LRP2: variants seen among roughly 807,000 people sequenced by gnomAD.
LRP2 encodes low-density lipoprotein receptor-related protein 2.
In LRP2, 172 loss-of-function variants were observed where a neutral mutation model predicts 531.0. That is an observed-to-expected ratio of 0.32 (90% CI 0.29 to 0.37). The LOEUF is 0.37. Among genes scored for constraint, LRP2 ranks in the 10% least tolerant of loss-of-function variants. LRP2 has a pLI of 1.00. For missense variants in LRP2, 5,167 were observed against 5,868.3 expected, an observed-to-expected ratio of 0.88 and a Z score of 3.90; for synonymous variants, 1,992 against 2,027.6, an observed-to-expected ratio of 0.98 and a Z score of 0.47.
intron 43 of LRP2, 109 bp from the exon 44 acceptor site, chr2:169,201,979 CA>C: frequency 7.1e-7 from 1 of 1,407,556 alleles, no homozygotes; most frequent in East Asian, 2.5e-5. Flanking sequence ...CCTTCCAAGG[CA>C]AAAAACGCTG....
chr2:169,345,168 C>T (rs1302892069), intron 1 of LRP2, among the ~76,000 whole-genome samples: 1 of 152,116 alleles, frequency 6.6e-6, no homozygotes, highest in Non-Finnish European at 1.5e-5. Context: ...AGGGGTAAAT[C>T]GTTAAATAAA....
At chr2:169,278,539 G>T (rs1041785236) in intron 12 of LRP2, among the ~76,000 whole-genome samples, 2 of 151,596 alleles carry the variant, frequency 1.3e-5, no homozygotes, top group African/African-American at 4.8e-5. Flanking sequence ...TCCTTTATTT[G>T]TCCTTTGCTT....
intron 34 of LRP2, among the ~76,000 whole-genome samples, chr2:169,217,422 T>C (rs1200649580): frequency 6.6e-6 from 1 of 152,110 alleles, no homozygotes; most frequent in East Asian, 1.9e-4. Context: ...GCTTTAACTT[T>C]TCCTATTAAA....
chr2:169,291,661 C>A (rs74775934), intron 7 of LRP2, among the ~76,000 whole-genome samples: 3 of 151,588 alleles, frequency 2.0e-5, no homozygotes, highest in African/African-American at 7.3e-5. Flanking sequence ...TTCCTTCTCA[C>A]GGAATCTTTA....
intron 55 of LRP2, 123 bp downstream of exon 55, chr2:169,175,070 A>T: frequency 1.2e-6 from 1 of 827,232 alleles, no homozygotes; most frequent in Non-Finnish European, 2.0e-6. Context: ...ATGGAGCCTG[A>T]GTTTCCTTCT....
chr2:169,161,389 A>C (rs137877091), intron 63 of LRP2, among the ~76,000 whole-genome samples: 55 of 152,318 alleles, frequency 3.6e-4, no homozygotes, highest in African/African-American at 1.2e-3. Context: ...TTCCATCAAA[A>C]TATTGAGCTA....
chr2:169,348,334 T>C (rs567042090), intron 1 of LRP2, among the ~76,000 whole-genome samples: 1 of 152,302 alleles, frequency 6.6e-6, no homozygotes, highest in African/African-American at 2.4e-5. Flanking sequence ...AGGGAGACTA[T>C]GCCCAGGAGA....
At chr2:169,128,920 C>A (rs533849020) in intron 78 of LRP2, 90 bp from the exon 79 acceptor site, 2 of 1,551,648 alleles carry the variant, frequency 1.3e-6, no homozygotes, top group Non-Finnish European at 1.8e-6. Context: ...TGTGGCCACT[C>A]TGCTCAGAAT....
chr2:169,324,670 C>G (rs1038438640), intron 1 of LRP2, among the ~76,000 whole-genome samples: 20 of 151,098 alleles, frequency 1.3e-4, no homozygotes, highest in African/African-American at 4.6e-4. Context: ...TCATAAGTAG[C>G]CATATCCCAA....
rs143730026 is a variant in LRP2, at chr2:169,182,867, A to T, written c.9846-548T>A. Among the ~76,000 whole-genome samples, 828 of 152,340 alleles carry T rather than the reference A, an allele frequency of 5.4e-3. 3 individuals are homozygous for T. Among genetic ancestry groups the T allele is most frequent in the Non-Finnish European group, 7.3e-3 (496 of 68,020 alleles). On this transcript the variant is annotated intron_variant, in intron 50 of 78. Transcript: ENST00000649046. Reference sequence around the variant, plus strand: ...CCTGAGACACATTTCACTTAATCAAACCTAAGAAGCTTTAGAAACATATTA... The same window carrying T: ...CCTGAGACACATTTCACTTAATCAATCCTAAGAAGCTTTAGAAACATATTA...
rs562418557 is a variant in LRP2 at position 169,153,125 on chromosome 2, C to G, written c.12296-161G>C. On this transcript the variant is annotated intron_variant, in intron 66 of 78. Transcript: ENST00000649046. ...ATTCAATGACATCAGTATAATCAAA[C>G]TTTAAAACCTATCAAACTTGAGCTA... 3.1e-4 allele frequency among the ~76,000 whole-genome samples: 47 copies of G among 152,346 alleles called. No homozygotes were observed. The South Asian group carries it at 7.0e-3, about 23-fold the overall frequency.
intron 33 of LRP2, 73 bp downstream of exon 33, chr2:169,225,237 A>G: frequency 2.0e-6 from 3 of 1,473,504 alleles, no homozygotes; most frequent in Non-Finnish European, 2.8e-6. Context: ...TCCACGTGAG[A>G]TCTATTCCTG....
intron 62 of LRP2, among the ~76,000 whole-genome samples, chr2:169,165,165 A>C (rs1365732467): frequency 6.6e-6 from 1 of 152,164 alleles, no homozygotes; most frequent in Non-Finnish European, 1.5e-5. Context: ...CAAGAAATAG[A>C]AAGTGGAGAA....
chr2:169,320,784 A>G lies in LRP2; in HGVS notation c.180T>C (p.Ile60=), dbSNP rs1684889622. 1.2e-6 allele frequency: 2 copies of G among 1,613,882 alleles called. No homozygotes were observed. The highest frequency in any genetic ancestry group is 1.3e-5 in the African/African-American group (1 of 74,912). ...TKDCSDDADE[I]GCAVVTCQQG... is the part of the protein sequence containing the mutation. The stretch of plus-strand genomic sequence containing the variant: ...TGGCCCCTCCTCACTTACCGCAGCC[A>G]ATTTCATCCGCGTCATCTGAACAGT... The change falls in exon 2 of 79, where the codon ATT becomes ATC. Residue 60 remains isoleucine (I), a synonymous_variant. Transcript: ENST00000649046.
intron 9 of LRP2, among the ~76,000 whole-genome samples, chr2:169,283,617 T>C (rs1683765321): frequency 6.6e-6 from 1 of 152,184 alleles, no homozygotes; most frequent in African/African-American, 2.4e-5. Flanking sequence ...AATAAAGTAC[T>C]TGGAAAGGTC....
chr2:169,247,532 G>T lies in LRP2; in HGVS notation c.2771-17C>A. 1 of 1,613,742 alleles carries T rather than the reference G, an allele frequency of 6.2e-7. No individual in the cohort carries two copies. Among genetic ancestry groups the T allele is most frequent in the Non-Finnish European group, 8.5e-7 (1 of 1,179,784 alleles). ...ATAAATGCTCTGAAAAGAAACATGG[G>T]TAGATTAGTATTTTCAGTCACAGCT... On this transcript the variant is annotated splice_polypyrimidine_tract_variant and intron_variant, in intron 19 of 78. Coordinates refer to ENST00000649046, the MANE Select transcript of LRP2 (RefSeq NM_004525.3).
chr2:169,198,857 A>G lies in LRP2; in HGVS notation c.8507T>C (p.Ile2836Thr). The stretch of plus-strand genomic sequence containing the variant: ...TCCGTCACACAAATAAACGCGAGGA[A>G]TACAAATATTTGAATTATGACATTT... ...YTKCHNSNIC[I>T]PRVYLCDGDN... Residue 2836 changes from isoleucine (I) to threonine (T), a missense_variant, in exon 45 of 79, where the codon ATT (isoleucine) becomes ACT (threonine). By Grantham distance (89) the Ile-to-Thr change is moderately conservative (BLOSUM62 -1). Around this residue, in one of 6 missense-constraint regions of LRP2, gnomAD observed 1,129 missense variants for 1,362.7 expected, o/e 0.83. Coordinates refer to ENST00000649046, the MANE Select transcript of LRP2 (RefSeq NM_004525.3). 6.2e-7 allele frequency: 1 copy of G among 1,613,864 alleles called. No individual in the cohort carries two copies. The highest frequency in any genetic ancestry group is 8.5e-7 in the Non-Finnish European group (1 of 1,179,802).
At chr2:169,295,464 C>T (rs1258855811) in intron 4 of LRP2, among the ~76,000 whole-genome samples, 5 of 152,216 alleles carry the variant, frequency 3.3e-5, no homozygotes, top group African/African-American at 1.2e-4. Flanking sequence ...AGTTGAAAAT[C>T]AGGAAGTCCC....
intron 2 of LRP2, 77 bp from the exon 3 acceptor site, chr2:169,318,961 G>A: frequency 6.4e-7 from 1 of 1,572,112 alleles, no homozygotes; most frequent in Non-Finnish European, 8.7e-7. Flanking sequence ...TGTTCCAGAA[G>A]AGTGTATCAT....
Sources: gnomAD v4.1 joint callset for allele counts (sites outside exome capture counted in the v4.1 genomes callset) on GRCh38, gnomAD v4.1.1 for gene constraint, gnomAD v4.1.1 regional missense constraint, MANE v1.5 for transcripts, NCBI Gene and HGNC (gene_info 2026-07-23, HGNC 2026-07-21) for gene names.